The following SLC2A9 variants were observed in gnomAD, a reference collection of about 807,000 sequenced individuals.
SLC2A9 encodes the protein solute carrier family 2, facilitated glucose transporter member 9.
SLC2A9 carries 39 observed loss-of-function variants against 50.6 expected under a neutral mutation model. The observed-to-expected ratio is 0.77, with a 90% CI of 0.60 to 1.01. The LOEUF is 1.01. SLC2A9 is among the 50% of genes least tolerant of loss of function. The pLI is 0.00. For missense variants in SLC2A9, 686 were observed against 677.6 expected (o/e 1.01, Z -0.14); for synonymous variants, 324 against 276.9 (o/e 1.17, Z -1.69).
Position 9,847,150 on chromosome 4 carries a change from C to T in SLC2A9, c.1292-12142G>A, listed in dbSNP as rs141046709. ...GTGGCTGTATTAGTCCGTTTTCACACTGCTGTGAAGAACTACCTGAGACTG... is the reference window on the plus strand; with the variant it reads ...GTGGCTGTATTAGTCCGTTTTCACATTGCTGTGAAGAACTACCTGAGACTG... On this transcript the variant is annotated intron_variant, in intron 10 of 11. Transcript: ENST00000264784. 2.6e-3 allele frequency among the ~76,000 whole-genome samples: 393 copies of T among 152,324 alleles called. 1 individual carries two copies. Among genetic ancestry groups the T allele is most frequent in the African/African-American group, 8.9e-3 (372 of 41,570 alleles).
chr4:9,955,829 C>G (rs1420980662), intron 5 of SLC2A9, among the ~76,000 whole-genome samples: 2 of 119,026 alleles, frequency 1.7e-5, no homozygotes, highest in Non-Finnish European at 3.4e-5. Flanking sequence ...TCTAGGGATT[C>G]TTATTCAGAA....
chr4:9,938,663 G>A (rs1038408426), intron 6 of SLC2A9, among the ~76,000 whole-genome samples: 1 of 152,146 alleles, frequency 6.6e-6, no homozygotes, highest in Non-Finnish European at 1.5e-5. Flanking sequence ...GCACTTCAGT[G>A]AATTCAGGTT....
At chr4:9,831,197 G>C (rs576281492) in intron 11 of SLC2A9, among the ~76,000 whole-genome samples, 1 of 152,310 alleles carries the variant, frequency 6.6e-6, no homozygotes, top group East Asian at 1.9e-4. Context: ...CTTGGTGGCT[G>C]CTGTGGGCTG....
At chr4:9,966,371 G>A (rs1355211060) in intron 5 of SLC2A9, among the ~76,000 whole-genome samples, 1 of 152,130 alleles carries the variant, frequency 6.6e-6, no homozygotes, top group East Asian at 1.9e-4. Context: ...TAAACACACT[G>A]GAGGCTGGGT....
chr4:9,920,286 T>C, intron 7 of SLC2A9, 99 bp downstream of exon 7: 2 of 1,300,622 alleles, frequency 1.5e-6, no homozygotes, highest in Non-Finnish European at 2.2e-6. Flanking sequence ...ATGACAGAAC[T>C]GAGATTTGAA....
At chr4:10,005,149 C>T (rs1760551531) in intron 2 of SLC2A9, among the ~76,000 whole-genome samples, 1 of 152,112 alleles carries the variant, frequency 6.6e-6, no homozygotes, top group South Asian at 2.1e-4. Context: ...GTCAAGTAAA[C>T]ATACAATTAT....
At chr4:9,826,222 T>C, downstream of SLC2A9, 1 of 648,708 alleles carries the variant, frequency 1.5e-6, no homozygotes, top group Non-Finnish European at 2.7e-6. Flanking sequence ...ACAGTTGCAA[T>C]GTTAGATTAG....
At chr4:9,890,275 G>A (rs1253656411) in intron 9 of SLC2A9, among the ~76,000 whole-genome samples, 1 of 152,192 alleles carries the variant, frequency 6.6e-6, no homozygotes, top group Non-Finnish European at 1.5e-5. Flanking sequence ...GCTGGAAGGA[G>A]CACCTTAAGG....
intron 10 of SLC2A9, among the ~76,000 whole-genome samples, chr4:9,853,238 T>C (rs1323490480): frequency 2.7e-5 from 4 of 150,340 alleles, no homozygotes; most frequent in Admixed American, 6.6e-5. Context: ...CCCAACTATA[T>C]GCTGTCTTCA....
chr4:9,961,941 T>G (rs549646968), intron 5 of SLC2A9, among the ~76,000 whole-genome samples: 1 of 152,224 alleles, frequency 6.6e-6, no homozygotes, highest in African/African-American at 2.4e-5. Context: ...AAGACATTCA[T>G]GTGGTCAAGA....
rs62293240 is a variant in SLC2A9, at chr4:9,784,862, T to C, written n.386-4797A>G. 9.2e-4 allele frequency among the ~76,000 whole-genome samples: 140 copies of C among 152,344 alleles called. 1 individual carries two copies. Among genetic ancestry groups the C allele is most frequent in the Non-Finnish European group, 4.0e-4 (27 of 68,022 alleles). On this transcript the variant is annotated intron_variant and non_coding_transcript_variant, in intron 3 of 3. Transcript: ENST00000503803. ...GACAGTTCAATCAATTTTGATCTCT[T>C]TAAGGCTAATTTTATTGTCAGTCTT...
At chr4:9,819,495 C>T (rs1724107770) in intron 3 of SLC2A9, among the ~76,000 whole-genome samples, 4 of 152,170 alleles carry the variant, frequency 2.6e-5, no homozygotes, top group Admixed American at 2.6e-4. Context: ...ATAGCTTTTG[C>T]CCAGCTTTTG....
chr4:9,778,349 A>T (rs1012531559), downstream of SLC2A9, among the ~76,000 whole-genome samples: 1 of 152,060 alleles, frequency 6.6e-6, no homozygotes, highest in Non-Finnish European at 1.5e-5. Flanking sequence ...TGAACTCCTG[A>T]CTTCAAGTGA....
At chr4:10,031,973 C>T (rs1013806572) in intron 1 of SLC2A9, among the ~76,000 whole-genome samples, 7 of 152,202 alleles carry the variant, frequency 4.6e-5, no homozygotes, top group African/African-American at 1.7e-4. Context: ...GGAAAGGAGG[C>T]AGCGTGTTTG....
At chr4:9,931,491 C>G (rs1448009626) in intron 6 of SLC2A9, among the ~76,000 whole-genome samples, 1 of 152,166 alleles carries the variant, frequency 6.6e-6, no homozygotes, top group East Asian at 1.9e-4. Flanking sequence ...TTATTGTGTA[C>G]CTACTGTATG....
chr4:9,776,267 G>T (rs1469786259), downstream of SLC2A9, among the ~76,000 whole-genome samples: 3 of 151,734 alleles, frequency 2.0e-5, no homozygotes, highest in Admixed American at 6.6e-5. Context: ...TAAATGAGGG[G>T]CAGGAGAGTG....
chr4:9,856,775 A>G (rs1425331937), intron 10 of SLC2A9, among the ~76,000 whole-genome samples: 2 of 152,254 alleles, frequency 1.3e-5, no homozygotes, highest in Non-Finnish European at 2.9e-5. Flanking sequence ...ATGGAATACT[A>G]TGCAGCCATA....
chr4:9,816,064 G>A (rs1055974326), intron 3 of SLC2A9, among the ~76,000 whole-genome samples: 1 of 152,114 alleles, frequency 6.6e-6, no homozygotes, highest in South Asian at 2.1e-4. Context: ...CAGCTACTCA[G>A]GAGGCTGAGG....
intron 7 of SLC2A9, among the ~76,000 whole-genome samples, chr4:9,918,337 G>A (rs1173185207): frequency 6.6e-6 from 1 of 152,214 alleles, no homozygotes; most frequent in Non-Finnish European, 1.5e-5. Context: ...TGACAAGGCA[G>A]CAGGTACAGG....
Sources: gnomAD v4.1 joint callset for allele counts (sites outside exome capture counted in the v4.1 genomes callset) on GRCh38, gnomAD v4.1.1 for gene constraint, MANE v1.5 for transcripts, NCBI Gene and HGNC (gene_info 2026-07-23, HGNC 2026-07-21) for gene names.